ARL15: variants seen among roughly 807,000 people sequenced by gnomAD.
ARL15 encodes the protein ARF like GTPase 15.
Under a neutral mutation model 25.2 loss-of-function variants are expected in ARL15, and 19 were observed. The ratio of observed to expected loss-of-function variants is 0.75; its 90% CI spans 0.53 to 1.10. The LOEUF is 1.10. Among genes scored for constraint, ARL15 ranks in the 50% least tolerant of loss-of-function variants. The pLI is 0.00. For synonymous variants in ARL15, 94 were observed against 86.8 expected (o/e 1.08, Z -0.46); for missense variants, 220 against 246.0 (o/e 0.89, Z 0.71).
chr5:54,170,582 G>T (rs1037720917), intron 2 of ARL15, among the ~76,000 whole-genome samples: 5 of 152,086 alleles, frequency 3.3e-5, no homozygotes, highest in Non-Finnish European at 7.4e-5. Flanking sequence ...CAATCTGTTT[G>T]ACACTCCTTA....
At chr5:53,929,372 TTC>T (rs1364196855) in intron 4 of ARL15, among the ~76,000 whole-genome samples, 1 of 152,156 alleles carries the variant, frequency 6.6e-6, no homozygotes, top group Non-Finnish European at 1.5e-5. Context: ...GAATATGCAT[TTC>T]TCTTATGGGT....
At chr5:53,907,482 ATATATATTTTTTTTT>A (rs1745298807) in intron 4 of ARL15, among the ~76,000 whole-genome samples, 2 of 31,336 alleles carry the variant, frequency 6.4e-5, no homozygotes, top group Non-Finnish European at 1.1e-4. Flanking sequence ...ATATATATAT[ATATATATTTTTTTTT>A]TTTTTTTTTT....
chr5:54,124,333 A>T (rs1387929901), intron 3 of ARL15, among the ~76,000 whole-genome samples: 1 of 152,238 alleles, frequency 6.6e-6, no homozygotes, highest in Non-Finnish European at 1.5e-5. Flanking sequence ...AATCTGCTTA[A>T]GCTTGTAATT....
chr5:54,029,684 C>A (rs919907060), intron 4 of ARL15, among the ~76,000 whole-genome samples: 1 of 152,014 alleles, frequency 6.6e-6, no homozygotes, highest in East Asian at 1.9e-4. Context: ...CACAGAAAGA[C>A]CCTGTCTCTA....
chr5:53,950,171 G>A (rs1248214466), intron 4 of ARL15, among the ~76,000 whole-genome samples: 1 of 151,192 alleles, frequency 6.6e-6, no homozygotes, highest in Non-Finnish European at 1.5e-5. Context: ...GCTCATGCCT[G>A]TAATCCCAGC....
At chr5:54,148,741 T>C (rs1251572176) in intron 3 of ARL15, among the ~76,000 whole-genome samples, 3 of 152,186 alleles carry the variant, frequency 2.0e-5, no homozygotes, top group Admixed American at 2.0e-4. Flanking sequence ...ACAATTCAGA[T>C]GTAACACATT....
At position 54,122,459 on chromosome 5, in the gene ARL15, C is replaced by T. The variant is rs556227360; in HGVS notation, c.254-9049G>A. On this transcript the variant is annotated intron_variant, in intron 3 of 4. Coordinates refer to ENST00000504924, the MANE Select transcript of ARL15 (RefSeq NM_019087.3). ...TGCGCAATGTGCGTGTATACGCATACCTTTGAGAGATGATGTTACCTACAA... is the reference window on the plus strand; with the variant it reads ...TGCGCAATGTGCGTGTATACGCATATCTTTGAGAGATGATGTTACCTACAA... Among the ~76,000 whole-genome samples the T allele has an allele frequency of 2.0e-4, 31 of 152,356 alleles. No homozygotes were observed. The South Asian group carries it at 5.8e-3, about 28-fold the overall frequency.
intron 3 of ARL15, among the ~76,000 whole-genome samples, chr5:54,146,697 C>A (rs1358726109): frequency 6.6e-6 from 1 of 152,010 alleles, no homozygotes; most frequent in African/African-American, 2.4e-5. Context: ...CCTGATGGCC[C>A]CTGAAGAGGA....
At chr5:54,185,479 A>G (rs1755211430) in intron 1 of ARL15, among the ~76,000 whole-genome samples, 1 of 152,218 alleles carries the variant, frequency 6.6e-6, no homozygotes, top group African/African-American at 2.4e-5. Flanking sequence ...CACTGGACTT[A>G]GAGCACTTGA....
chr5:53,904,630 A>C (rs1319109818), intron 4 of ARL15, among the ~76,000 whole-genome samples: 1 of 152,112 alleles, frequency 6.6e-6, no homozygotes, highest in African/African-American at 2.4e-5. Flanking sequence ...AATATAAAAC[A>C]CAACTCTGAT....
At chr5:53,921,699 G>A (rs1359340401) in intron 4 of ARL15, among the ~76,000 whole-genome samples, 6 of 152,168 alleles carry the variant, frequency 3.9e-5, no homozygotes, top group Non-Finnish European at 2.9e-5. Context: ...TTGAACCCAG[G>A]AGGCGGATGT....
intron 4 of ARL15, among the ~76,000 whole-genome samples, chr5:53,897,007 C>G (rs1185638463): frequency 6.6e-6 from 1 of 152,214 alleles, no homozygotes; most frequent in African/African-American, 2.4e-5. Flanking sequence ...ATTTCTTCCA[C>G]TGCTTGGTTG....
At chr5:54,078,604 A>G (rs1489305559) in intron 4 of ARL15, among the ~76,000 whole-genome samples, 3 of 152,234 alleles carry the variant, frequency 2.0e-5, no homozygotes, top group Admixed American at 2.0e-4. Context: ...GGGATGGCAT[A>G]AGACAGGAGT....
intron 4 of ARL15, among the ~76,000 whole-genome samples, chr5:53,942,713 T>C (rs1205574743): frequency 6.6e-6 from 1 of 152,124 alleles, no homozygotes; most frequent in Non-Finnish European, 1.5e-5. Context: ...GCCACTGCAC[T>C]CCAGCCTGGG....
intron 1 of ARL15, among the ~76,000 whole-genome samples, chr5:54,308,236 A>G (rs1758811587): frequency 6.6e-6 from 1 of 152,222 alleles, no homozygotes; most frequent in Non-Finnish European, 1.5e-5. Context: ...TTAATGCTAA[A>G]GAATTTTCTG....
chr5:53,964,462 C>T (rs1422903095), intron 4 of ARL15, among the ~76,000 whole-genome samples: 1 of 152,088 alleles, frequency 6.6e-6, no homozygotes, highest in Non-Finnish European at 1.5e-5. Context: ...CGGGTTCACG[C>T]CATTCTCCTG....
At chr5:54,094,200 A>C (rs571635763) in intron 4 of ARL15, among the ~76,000 whole-genome samples, 4 of 152,298 alleles carry the variant, frequency 2.6e-5, no homozygotes, top group Non-Finnish European at 5.9e-5. Context: ...CCTAGACCAG[A>C]CCACGTAGAG....
chr5:53,959,038 A>T (rs943014492), intron 4 of ARL15, among the ~76,000 whole-genome samples: 41 of 152,174 alleles, frequency 2.7e-4, no homozygotes, highest in African/African-American at 9.2e-4. Flanking sequence ...AGAGGATTTG[A>T]ACACCATTAT....
In ARL15 at chr5:54,183,116, C is replaced by T. The variant is rs909025717; in HGVS notation, c.49-11188G>A. Among the ~76,000 whole-genome samples, 6 of 125,426 alleles carry T rather than the reference C, an allele frequency of 4.8e-5. 1 individual carries two copies. Among genetic ancestry groups the T allele is most frequent in the Non-Finnish European group, 7.2e-5 (4 of 55,572 alleles). The allele number at this position is 125,426 out of a possible 152,430, so 82.3% of individuals were successfully genotyped here. The stretch of plus-strand genomic sequence containing the variant: ...GCAAACAGGGACAATTTGACTTCCT[C>T]TTTTCCTAATTGAATACCCGTTATT... On this transcript the variant is annotated intron_variant, in intron 1 of 4. Transcript: ENST00000504924.
Sources: gnomAD v4.1 joint callset for allele counts (sites outside exome capture counted in the v4.1 genomes callset) on GRCh38, gnomAD v4.1.1 for gene constraint, MANE v1.5 for transcripts, NCBI Gene and HGNC (gene_info 2026-07-23, HGNC 2026-07-21) for gene names.